MRPL14: variants seen among roughly 807,000 people sequenced by gnomAD.
MRPL14 encodes the protein large ribosomal subunit protein uL14m.
MRPL14 carries 8 observed loss-of-function variants against 10.9 expected under a neutral mutation model. That is an observed-to-expected ratio of 0.74 (90% CI 0.43 to 1.33). MRPL14 has a LOEUF of 1.33. Ranked by LOEUF, MRPL14 falls within the 40% of genes most tolerant of loss-of-function variation. The pLI is 0.01. For missense variants in MRPL14, 179 were observed against 194.5 expected, an observed-to-expected ratio of 0.92 and a Z score of 0.47; for synonymous variants, 82 against 74.1, an observed-to-expected ratio of 1.11 and a Z score of -0.54.
chr6:44,114,096 T>A lies in MRPL14; in HGVS notation c.185A>T (p.Lys62Met). 6.2e-7 allele frequency: 1 copy of A among 1,614,216 alleles called. No homozygotes were observed. Among genetic ancestry groups the A allele is most frequent in the Non-Finnish European group, 8.5e-7 (1 of 1,180,042 alleles). ...GCCCACCTTGCCCACTCCATTCTTC[T>A]TATAGACATGGATGCAGCGAGGAGC... ...HRAPRCIHVY[K>M]KNGVGKVGDQ... is the part of the protein sequence containing the mutation. Residue 62 changes from lysine (K) to methionine (M), a missense_variant, in exon 3 of 3, where the codon AAG becomes ATG. Coordinates refer to ENST00000372014, the MANE Select transcript of MRPL14 (RefSeq NM_032111.4).
At chr6:44,121,627 A>AC (rs1280757104) in intron 1 of MRPL14, among the ~76,000 whole-genome samples, 5 of 152,090 alleles carry the variant, frequency 3.3e-5, no homozygotes, top group African/African-American at 1.2e-4. Flanking sequence ...CAGCTTAGTG[A>AC]CTCTCTGTTA....
intron 1 of MRPL14, among the ~76,000 whole-genome samples, chr6:44,120,318 T>C (rs144544390): frequency 1.3e-5 from 2 of 152,366 alleles, no homozygotes; most frequent in South Asian, 2.1e-4. Context: ...TGATGTCCTT[T>C]AACATTCTAT....
At chr6:44,117,944 C>T (rs936783041) in intron 1 of MRPL14, among the ~76,000 whole-genome samples, 3 of 149,352 alleles carry the variant, frequency 2.0e-5, no homozygotes, top group Non-Finnish European at 1.5e-5. Context: ...GCCTCAGCCC[C>T]GCAAAGTGCT....
At position 44,116,567 on chromosome 6, in the gene MRPL14, G is replaced by C. The variant is rs1187285143; in HGVS notation, c.45C>G (p.Ser15Arg). 6.8e-6 allele frequency: 11 copies of C among 1,614,178 alleles called. No individual in the cohort carries two copies. The highest frequency in any genetic ancestry group is 9.3e-6 in the Non-Finnish European group (11 of 1,180,024). ...TGLWGPFTCV[S>R]RVLSHHCFST... ...TGAAACAGTGATGGCTCAGCACTCT[G>C]CTTACACAGGTGAAGGGGCCCCAGA... Residue 15 changes from serine (S) to arginine (R), a missense_variant, in exon 2 of 3, where the codon AGC becomes AGG. Physicochemically the swap from Ser to Arg is moderately radical, Grantham distance 110. Coordinates refer to ENST00000372014, the MANE Select transcript of MRPL14 (RefSeq NM_032111.4).
intron 2 of MRPL14, among the ~76,000 whole-genome samples, chr6:44,116,177 G>A (rs1775829221): frequency 6.6e-6 from 1 of 152,152 alleles, no homozygotes; most frequent in South Asian, 2.1e-4. Context: ...CAAGTTCTTG[G>A]TAATAAGCAT....
At chr6:44,117,657 C>G (rs902651263) in intron 1 of MRPL14, among the ~76,000 whole-genome samples, 1 of 151,952 alleles carries the variant, frequency 6.6e-6, no homozygotes, top group Non-Finnish European at 1.5e-5. Flanking sequence ...AATACCTAGA[C>G]ACTCCATACT....
chr6:44,117,840 G>GT (rs56204643), intron 1 of MRPL14, among the ~76,000 whole-genome samples: 1,070 of 75,374 alleles, frequency 0.014, 76 homozygotes, highest in South Asian at 0.021. Flanking sequence ...AATTTTTTGT[G>GT]TTTTTTTTTT....
rs1034975058 is a variant in MRPL14 at position 44,114,097 on chromosome 6, T to C, written c.184A>G (p.Lys62Glu). 1 of 1,614,198 alleles carries C rather than the reference T, an allele frequency of 6.2e-7. No homozygotes were observed. The highest frequency in any genetic ancestry group is 2.2e-5 in the East Asian group (1 of 44,888). ...CCCACCTTGCCCACTCCATTCTTCT[T>C]ATAGACATGGATGCAGCGAGGAGCC... ...HRAPRCIHVYKKNGVGKVGDQ... is the reference protein window; with the variant it reads ...HRAPRCIHVYEKNGVGKVGDQ... The change falls in exon 3 of 3, where the codon AAG (lysine) becomes GAG (glutamate). Residue 62 changes from lysine (K) to glutamate (E), a missense_variant. Coordinates refer to ENST00000372014, the MANE Select transcript of MRPL14 (RefSeq NM_032111.4).
In MRPL14 at chr6:44,115,194, T is replaced by C. The variant is rs571166256; in HGVS notation, c.72-985A>G. ...ATCCTAGGACCTCTTCTCTCGTTTT[T>C]TATGCCTACTCTGGGCAATCTTACC... On this transcript the variant is annotated intron_variant, in intron 2 of 2. Transcript: ENST00000372014. Among the ~76,000 whole-genome samples, 6 of 151,888 alleles carry C rather than the reference T, an allele frequency of 4.0e-5. No individual in the cohort carries two copies. The South Asian group carries it at 1.3e-3, about 32-fold the overall frequency.
rs760410408 is a variant in MRPL14 at position 44,114,220 on chromosome 6, G to GA, written c.72-12dup. 828 of 1,461,410 alleles carry GA rather than the reference G, an allele frequency of 5.7e-4. No individual in the cohort carries two copies. The highest frequency in any genetic ancestry group is 2.1e-3 in the Admixed American group (105 of 49,308). The allele number at this position is 1,461,410 out of a possible 1,614,324, so 90.5% of individuals were successfully genotyped here. ...AGACTCCCAGTGGTGCTGGTGGGAG[G>GA]AAAAAAAAAAGTCTGCAGTCTGTAT... On this transcript the variant is annotated splice_polypyrimidine_tract_variant and intron_variant, in intron 2 of 2. Transcript: ENST00000372014.
At chr6:44,118,782 T>C (rs1359954862) in intron 1 of MRPL14, among the ~76,000 whole-genome samples, 1 of 152,010 alleles carries the variant, frequency 6.6e-6, no homozygotes, top group Non-Finnish European at 1.5e-5. Flanking sequence ...CTGACTAACA[T>C]GGAGAAACCC....
At chr6:44,122,561 C>T (rs764703631) in intron 1 of MRPL14, among the ~76,000 whole-genome samples, 1 of 152,158 alleles carries the variant, frequency 6.6e-6, no homozygotes, top group African/African-American at 2.4e-5. Flanking sequence ...CAATTTCAAT[C>T]TTTAGGTGCC....
Position 44,116,512 on chromosome 6 carries a change from A to G in MRPL14, c.71+29T>C, listed in dbSNP as rs750172832. The G allele has an allele frequency of 2.4e-5, 39 of 1,608,470 alleles. No homozygotes were observed. The East Asian group carries it at 8.5e-4, about 35-fold the overall frequency. On this transcript the variant is annotated intron_variant, in intron 2 of 2. Transcript: ENST00000372014. ...TGATAGGAAGCTTACACAAAGACAC[A>G]GTTTTAAGAACTTAATGGGAAAAGT...
In MRPL14 at chr6:44,113,860, C is replaced by A; in HGVS notation, c.421G>T (p.Ala141Ser). The A allele has an allele frequency of 6.4e-7, 1 of 1,569,620 alleles. No homozygotes were observed. The highest frequency in any genetic ancestry group is 1.2e-5 in the South Asian group (1 of 84,956). Residue 141 changes from alanine (A) to serine (S), a missense_variant, in exon 3 of 3, where the codon GCT becomes TCT. Transcript: ENST00000372014. The stretch of plus-strand genomic sequence containing the variant: ...GGCTCAACTCACACAAAGTTCTGAG[C>A]AATGGCCAGCACCTTGGAATACTCG... The part of the protein sequence containing the change: ...EGEYSKVLAI[A>S]QNFV
At chr6:44,121,745 G>C (rs970071323) in intron 1 of MRPL14, among the ~76,000 whole-genome samples, 2 of 152,208 alleles carry the variant, frequency 1.3e-5, no homozygotes, top group Non-Finnish European at 2.9e-5. Flanking sequence ...TTTCAGACCA[G>C]CCTGACCAAC....
chr6:44,114,593 CA>C (rs1211397838), intron 2 of MRPL14, among the ~76,000 whole-genome samples: 2 of 152,034 alleles, frequency 1.3e-5, no homozygotes, highest in African/African-American at 4.8e-5. Flanking sequence ...CCTGCTTCCC[CA>C]GAATACACCA....
chr6:44,117,494 G>A (rs1775961960), intron 1 of MRPL14, among the ~76,000 whole-genome samples: 1 of 152,198 alleles, frequency 6.6e-6, no homozygotes, highest in Non-Finnish European at 1.5e-5. Flanking sequence ...ACGTTTGGCA[G>A]CAGAGGTGCC....
intron 1 of MRPL14, among the ~76,000 whole-genome samples, chr6:44,123,871 A>C (rs965861094): frequency 6.7e-6 from 1 of 148,294 alleles, no homozygotes; most frequent in African/African-American, 2.4e-5. Context: ...ACCCTGCCTC[A>C]AAAAAAAAGT....
chr6:44,117,183 G>C (rs1775933426), intron 1 of MRPL14, among the ~76,000 whole-genome samples: 1 of 151,882 alleles, frequency 6.6e-6, no homozygotes, highest in South Asian at 2.1e-4. Flanking sequence ...GGCTGCTCTT[G>C]CCAAGTCAAA....
Sources: allele counts gnomAD v4.1 joint callset (sites outside exome capture counted in the v4.1 genomes callset), GRCh38; gene constraint gnomAD v4.1.1; transcripts MANE v1.5; gene names NCBI Gene and HGNC (gene_info 2026-07-23, HGNC 2026-07-21).